Variants in LINGO1 observed in about 807,000 individuals in gnomAD.
LINGO1 encodes leucine-rich repeat and immunoglobulin-like domain-containing nogo receptor-interacting protein 1.
In LINGO1, 11 loss-of-function variants were observed where a neutral mutation model predicts 37.3. The ratio of observed to expected loss-of-function variants is 0.29; its 90% CI spans 0.19 to 0.49. The LOEUF (loss-of-function observed/expected upper bound fraction) is 0.49. Among genes scored for constraint, LINGO1 ranks in the 20% least tolerant of loss-of-function variants. The pLI is 0.99. For missense variants in LINGO1, 585 were observed against 878.2 expected (o/e 0.67, Z 4.22); for synonymous variants, 387 against 403.0 (o/e 0.96, Z 0.48).
At chr15:77,729,134 G>A (rs2076131063) in intron 2 of LINGO1, among the ~76,000 whole-genome samples, 1 of 152,222 alleles carries the variant, frequency 6.6e-6, no homozygotes, top group Non-Finnish European at 1.5e-5. Context: ...AGCCGGCACT[G>A]GGAGGGAAGC....
intron 2 of LINGO1, among the ~76,000 whole-genome samples, chr15:77,680,017 T>A (rs944773080): frequency 4.6e-5 from 7 of 152,340 alleles, no homozygotes; most frequent in Middle Eastern, 3.4e-3. Context: ...CTCTTTAGAG[T>A]TAGTTGGGCC....
intron 1 of LINGO1, among the ~76,000 whole-genome samples, chr15:77,760,909 T>A (rs2141382460): frequency 7.0e-6 from 1 of 142,754 alleles, no homozygotes; most frequent in African/African-American, 2.6e-5. Flanking sequence ...TGATTGTTAA[T>A]AAGTATCTTT....
intron 1 of LINGO1, among the ~76,000 whole-genome samples, chr15:77,752,400 C>G (rs190092023): frequency 6.6e-6 from 1 of 152,218 alleles, no homozygotes; most frequent in Non-Finnish European, 1.5e-5. Flanking sequence ...CCAAACACAG[C>G]CCCATGGTGT....
At chr15:77,743,339 A>G (rs2076283384) in intron 1 of LINGO1, among the ~76,000 whole-genome samples, 1 of 152,108 alleles carries the variant, frequency 6.6e-6, no homozygotes, top group Non-Finnish European at 1.5e-5. Flanking sequence ...CAGGGCCCCT[A>G]TGTACTCTGT....
chr15:77,655,833 C>A (rs543448333), intron 3 of LINGO1, among the ~76,000 whole-genome samples: 1 of 152,326 alleles, frequency 6.6e-6, no homozygotes, highest in South Asian at 2.1e-4. Context: ...CCTGCCAGCT[C>A]CCCACCTTCT....
intron 3 of LINGO1, among the ~76,000 whole-genome samples, chr15:77,644,747 T>G (rs961739010): frequency 6.6e-6 from 1 of 152,112 alleles, no homozygotes; most frequent in Admixed American, 6.5e-5. Context: ...CTGTGCCCAT[T>G]TGACAGACGA....
intron 1 of LINGO1, among the ~76,000 whole-genome samples, chr15:77,766,017 G>A (rs1378793678): frequency 6.6e-6 from 1 of 152,170 alleles, no homozygotes; most frequent in African/African-American, 2.4e-5. Flanking sequence ...GAATGGAGCT[G>A]GCACATAGGT....
At chr15:77,799,452 A>G (rs2076899449) in intron 1 of LINGO1, among the ~76,000 whole-genome samples, 1 of 152,116 alleles carries the variant, frequency 6.6e-6, no homozygotes, top group Non-Finnish European at 1.5e-5. Context: ...CCTGGGGCCC[A>G]CACCTCCAGG....
intron 1 of LINGO1, among the ~76,000 whole-genome samples, chr15:77,799,584 C>T (rs1158775655): frequency 6.6e-6 from 1 of 152,198 alleles, no homozygotes; most frequent in East Asian, 1.9e-4. Flanking sequence ...CTCCTCCTCC[C>T]CCAGCCTCAG....
At chr15:77,638,342 T>C (rs2074435558), upstream of LINGO1, among the ~76,000 whole-genome samples, 1 of 152,090 alleles carries the variant, frequency 6.6e-6, no homozygotes, top group Admixed American at 6.5e-5. Flanking sequence ...TGGGATGCAG[T>C]TAGCTGTTCT....
At chr15:77,698,408 A>G (rs78355635), upstream of LINGO1, among the ~76,000 whole-genome samples, 3,407 of 152,308 alleles carry the variant, frequency 0.022, 116 homozygotes, top group African/African-American at 0.076. Context: ...CCCACCCAAC[A>G]GAAGGAAAAA....
rs114283556 is a variant in LINGO1 at position 77,708,949 on chromosome 15, C to T, written c.-194-18048G>A. ...AAAGAGGTCAACTTGGACGTAGACA[C>T]ACTCAGGGGAGGAGGCCACATGAAG... On this transcript the variant is annotated intron_variant, in intron 2 of 3. Coordinates refer to the LINGO1 transcript ENST00000561686. 5.1e-3 allele frequency among the ~76,000 whole-genome samples: 769 copies of T among 152,248 alleles called. 12 individuals carry two copies. Among genetic ancestry groups the T allele is most frequent in the African/African-American group, 0.018 (740 of 41,540 alleles).
chr15:77,692,283 C>T (rs2075617779), intron 1 of LINGO1, among the ~76,000 whole-genome samples: 2 of 152,194 alleles, frequency 1.3e-5, no homozygotes, highest in South Asian at 4.1e-4. Context: ...GAAACTGAGG[C>T]ACAGAGAGGT....
chr15:77,777,861 T>C (rs1339552194), intron 1 of LINGO1, among the ~76,000 whole-genome samples: 1 of 151,206 alleles, frequency 6.6e-6, no homozygotes, highest in East Asian at 2.0e-4. Context: ...AGGTTGAGGT[T>C]GCCATGAGCC....
intron 1 of LINGO1, among the ~76,000 whole-genome samples, chr15:77,693,977 A>G (rs763752543): frequency 6.6e-6 from 1 of 152,092 alleles, no homozygotes; most frequent in Non-Finnish European, 1.5e-5. Context: ...GCCTAAGGAG[A>G]AAAGATTCCA....
intron 1 of LINGO1, among the ~76,000 whole-genome samples, chr15:77,801,579 TAA>T (rs10534684): frequency 0.12 from 18,714 of 150,062 alleles, 1,377 homozygotes; most frequent in African/African-American, 0.21. Flanking sequence ...ACAAAATCAA[TAA>T]AGAGTTAATG....
intron 1 of LINGO1, among the ~76,000 whole-genome samples, chr15:77,776,464 G>GGCAGGAAAGCAGGAAA (rs1238644567): frequency 2.0e-4 from 22 of 111,582 alleles, no homozygotes; most frequent in African/African-American, 7.4e-4. Flanking sequence ...AAGGCAGGAA[G>GGCAGGAAAGCAGGAAA]GCAGGAAGGC....
chr15:77,749,882 A>C (rs2076353623), intron 1 of LINGO1, among the ~76,000 whole-genome samples: 1 of 151,918 alleles, frequency 6.6e-6, no homozygotes, highest in Non-Finnish European at 1.5e-5. Flanking sequence ...GCGGAACCGG[A>C]CTTTCTGGAC....
At chr15:77,755,307 G>C (rs2076408912) in intron 1 of LINGO1, among the ~76,000 whole-genome samples, 1 of 152,246 alleles carries the variant, frequency 6.6e-6, no homozygotes, top group African/African-American at 2.4e-5. Flanking sequence ...ACTCAAAAGA[G>C]GGAACTCTGG....
Sources: gnomAD v4.1 joint callset for allele counts (sites outside exome capture counted in the v4.1 genomes callset) on GRCh38, gnomAD v4.1.1 for gene constraint, MANE v1.5 for transcripts, NCBI Gene and HGNC (gene_info 2026-07-23, HGNC 2026-07-21) for gene names.